Variants in ZNF608 observed in about 807,000 individuals in gnomAD.
ZNF608 encodes zinc finger protein 608.
Under a neutral mutation model 109.0 loss-of-function variants are expected in ZNF608, and 12 were observed. That is an observed-to-expected ratio of 0.11 (90% CI 0.07 to 0.18). The LOEUF (loss-of-function observed/expected upper bound fraction) is 0.18, where lower values mean the gene tolerates loss of function less well. Among genes scored for constraint, ZNF608 ranks in the 10% least tolerant of loss-of-function variants. The pLI is 1.00. For missense variants in ZNF608, 1,707 were observed against 1,879.3 expected, an observed-to-expected ratio of 0.91 and a Z score of 1.70; for synonymous variants, 732 against 717.4, an observed-to-expected ratio of 1.02 and a Z score of -0.33.
intron 3 of ZNF608, among the ~76,000 whole-genome samples, chr5:124,662,898 C>T (rs1006459137): frequency 6.6e-6 from 1 of 152,128 alleles, no homozygotes; most frequent in Non-Finnish European, 1.5e-5. Context: ...AAATCTAATA[C>T]CAATGCAAAC....
chr5:124,717,753 A>G (rs1753759558), intron 2 of ZNF608, among the ~76,000 whole-genome samples: 1 of 152,192 alleles, frequency 6.6e-6, no homozygotes, highest in Non-Finnish European at 1.5e-5. Context: ...ATAAAGACCC[A>G]AAACTTAGCA....
chr5:124,673,714 G>A (rs550656560), intron 3 of ZNF608, among the ~76,000 whole-genome samples: 1 of 152,142 alleles, frequency 6.6e-6, no homozygotes, highest in South Asian at 2.1e-4. Context: ...AATGGAGTAG[G>A]GGAGAGGAAA....
At chr5:124,712,326 G>T (rs1469551529) in intron 2 of ZNF608, among the ~76,000 whole-genome samples, 3 of 152,254 alleles carry the variant, frequency 2.0e-5, no homozygotes, top group East Asian at 3.9e-4. Flanking sequence ...GGGAGGATGG[G>T]CAGAGGATCG....
chr5:124,735,534 T>C (rs1303939024), intron 2 of ZNF608, among the ~76,000 whole-genome samples: 1 of 152,222 alleles, frequency 6.6e-6, no homozygotes, highest in Non-Finnish European at 1.5e-5. Flanking sequence ...ACCTGCACAC[T>C]GATAAACTGG....
At chr5:124,747,848 G>C (rs567261500), upstream of ZNF608, among the ~76,000 whole-genome samples, 1 of 152,198 alleles carries the variant, frequency 6.6e-6, no homozygotes, top group African/African-American at 2.4e-5. Context: ...GGGGGAGGGA[G>C]AAGGGTATCT....
At chr5:124,702,317 G>A (rs1457945361) in intron 2 of ZNF608, among the ~76,000 whole-genome samples, 3 of 152,094 alleles carry the variant, frequency 2.0e-5, no homozygotes, top group East Asian at 1.9e-4. Flanking sequence ...ACATAGAAAC[G>A]GCCTACATTT....
At chr5:124,700,419 T>C (rs921472058) in intron 3 of ZNF608, among the ~76,000 whole-genome samples, 4 of 152,248 alleles carry the variant, frequency 2.6e-5, no homozygotes, top group African/African-American at 9.6e-5. Flanking sequence ...GGCTAATGGA[T>C]TGCATTTGCC....
At chr5:124,724,067 A>C (rs975475093) in intron 2 of ZNF608, among the ~76,000 whole-genome samples, 5 of 152,194 alleles carry the variant, frequency 3.3e-5, no homozygotes, top group African/African-American at 1.2e-4. Flanking sequence ...TTCATGTTCC[A>C]CCATTGCTGG....
chr5:124,715,642 A>G (rs944682340), intron 2 of ZNF608, among the ~76,000 whole-genome samples: 1 of 152,204 alleles, frequency 6.6e-6, no homozygotes, highest in East Asian at 1.9e-4. Context: ...TAATATACAC[A>G]CTTCATAAAG....
chr5:124,646,603 C>A (rs1254223413), intron 5 of ZNF608, 76 bp downstream of exon 5: 9 of 1,501,026 alleles, frequency 6.0e-6, no homozygotes, highest in Non-Finnish European at 8.0e-6. Flanking sequence ...GAAGTCTAAC[C>A]AGATCAAGCC....
intron 5 of ZNF608, among the ~76,000 whole-genome samples, chr5:124,645,799 GCT>G (rs1485421421): frequency 6.6e-6 from 1 of 152,070 alleles, no homozygotes; most frequent in Non-Finnish European, 1.5e-5. Context: ...TCAGCACTGA[GCT>G]CTGAGTTTTG....
Position 124,647,777 on chromosome 5 carries a change from C to T in ZNF608, c.2607G>A (p.Ser869=), listed in dbSNP as rs780237285. The T allele has an allele frequency of 3.6e-5, 58 of 1,614,092 alleles. No homozygotes were observed. Among genetic ancestry groups the T allele is most frequent in the East Asian group, 2.2e-4 (10 of 44,880 alleles). ...TGGCCATGCGGCTCTCCTGAGACTC[C>T]GACAGTCCATTTGCCAGCCCTTCAT... ...NKNEGLANGL[S]ESQESRMASI... The change falls in exon 5 of 10, where the codon TCG becomes TCA. Residue 869 remains serine, a synonymous_variant. Transcript: ENST00000513986.
At chr5:124,746,955 G>C (rs1278409221), upstream of ZNF608, among the ~76,000 whole-genome samples, 1 of 93,092 alleles carries the variant, frequency 1.1e-5, no homozygotes, top group Non-Finnish European at 2.1e-5. Context: ...GGGGCGGGGG[G>C]CTTGGGGCGG....
chr5:124,734,844 A>G (rs1048977169), intron 2 of ZNF608: 1 of 152,236 alleles, frequency 6.6e-6, no homozygotes, highest in Non-Finnish European at 1.5e-5. Flanking sequence ...CTCTTTTATT[A>G]AAACACTGCA....
intron 3 of ZNF608, among the ~76,000 whole-genome samples, chr5:124,685,395 G>A (rs1233729393): frequency 3.9e-5 from 6 of 152,136 alleles, no homozygotes; most frequent in Non-Finnish European, 8.8e-5. Flanking sequence ...CAGAGCGAAA[G>A]AACAACACAA....
upstream of ZNF608, chr5:124,746,879 G>A (rs1170065054): frequency 3.1e-5 from 20 of 648,180 alleles, no homozygotes; most frequent in Non-Finnish European, 3.8e-5. Flanking sequence ...GAAAGGTGTG[G>A]AGGAGGAGAC....
At chr5:124,708,474 C>T (rs1398063026) in intron 2 of ZNF608, among the ~76,000 whole-genome samples, 1 of 152,110 alleles carries the variant, frequency 6.6e-6, no homozygotes, top group East Asian at 1.9e-4. Flanking sequence ...TAATTTCTGG[C>T]CCTTTTCTGT....
chr5:124,647,559 A>G lies in ZNF608; in HGVS notation c.2825T>C (p.Ile942Thr), dbSNP rs1194051024. The G allele has an allele frequency of 6.2e-7, 1 of 1,614,204 alleles. No homozygotes were observed. The highest frequency in any genetic ancestry group is 8.5e-7 in the Non-Finnish European group (1 of 1,180,028). Residue 942 changes from isoleucine (I) to threonine (T), a missense_variant, in exon 5 of 10, where the codon ATA (isoleucine) becomes ACA (threonine). Ile to Thr is a moderately conservative substitution (Grantham distance 89). Transcript: ENST00000513986. ...ACCACCATCGTCAGCAGCATCAGATATGTCTGAATAGGCCGGGCTGCTTGT... is the reference window on the plus strand; with the variant it reads ...ACCACCATCGTCAGCAGCATCAGATGTGTCTGAATAGGCCGGGCTGCTTGT... ...AKTSSPAYSDISDAADDGGSD... is the reference protein window; with the variant it reads ...AKTSSPAYSDTSDAADDGGSD...
intron 2 of ZNF608, chr5:124,708,650 A>G (rs1753356277): frequency 1.6e-5 from 7 of 450,626 alleles, no homozygotes; most frequent in South Asian, 9.4e-5. Context: ...AAATCATCCA[A>G]TTCTAAAACT....
Sources: allele counts gnomAD v4.1 joint callset (sites outside exome capture counted in the v4.1 genomes callset), GRCh38; gene constraint gnomAD v4.1.1; transcripts MANE v1.5; gene names NCBI Gene and HGNC (gene_info 2026-07-23, HGNC 2026-07-21).